Variants in MYO16 observed in about 807,000 individuals in gnomAD.
MYO16 encodes the protein myosin XVI, also known as unconventional myosin-XVI.
MYO16 carries 94 observed loss-of-function variants against 205.3 expected under a neutral mutation model. The ratio of observed to expected loss-of-function variants is 0.46; its 90% CI spans 0.39 to 0.54. MYO16 has a LOEUF of 0.54. MYO16 is among the 20% of genes least tolerant of loss of function. The pLI is 0.00. For missense variants in MYO16, 2,315 were observed against 2,387.5 expected (o/e 0.97, Z 0.63); for synonymous variants, 988 against 954.0 (o/e 1.04, Z -0.66).
chr13:108,531,944 C>A, the MYO16 span, among the ~76,000 whole-genome samples: 1 of 152,082 alleles, frequency 6.6e-6, no homozygotes, highest in Non-Finnish European at 1.5e-5. Flanking sequence ...TGGTGGCTCA[C>A]GCCTGTAATC....
intron 16 of MYO16, among the ~76,000 whole-genome samples, chr13:108,928,423 T>G (rs1052594140): frequency 6.6e-6 from 1 of 152,232 alleles, no homozygotes; most frequent in African/African-American, 2.4e-5. Context: ...GCATAGGATG[T>G]ATAATTACAT....
intron 34 of MYO16, among the ~76,000 whole-genome samples, chr13:109,186,858 G>A (rs995536876): frequency 6.6e-6 from 1 of 152,018 alleles, no homozygotes; most frequent in African/African-American, 2.4e-5. Flanking sequence ...TTACAACTGG[G>A]GGAAACAAAA....
At chr13:108,772,821 G>C (rs749701011) in intron 4 of MYO16, among the ~76,000 whole-genome samples, 2 of 152,050 alleles carry the variant, frequency 1.3e-5, no homozygotes, top group African/African-American at 4.8e-5. Flanking sequence ...TGTGTGTCGG[G>C]GGAGGATAAA....
chr13:109,117,861 A>T (rs185364476), intron 28 of MYO16, among the ~76,000 whole-genome samples: 256 of 152,260 alleles, frequency 1.7e-3, no homozygotes, highest in African/African-American at 5.6e-3. Context: ...TATTTTTTTT[A>T]AATTTAGATC....
At chr13:108,862,413 C>T (rs1173236121) in intron 11 of MYO16, among the ~76,000 whole-genome samples, 2 of 152,068 alleles carry the variant, frequency 1.3e-5, no homozygotes, top group African/African-American at 2.4e-5. Context: ...GGCCCAAACC[C>T]AAGGCTACCA....
In MYO16 at chr13:108,714,219, C is replaced by T. The variant is rs902652286; in HGVS notation, c.363+1488C>T. Among the ~76,000 whole-genome samples, 7 of 152,176 alleles carry T rather than the reference C, an allele frequency of 4.6e-5. No individual in the cohort carries two copies. In the South Asian group the frequency reaches 1.5e-3, roughly 32 times the overall value. On this transcript the variant is annotated intron_variant, in intron 3 of 34. Transcript: ENST00000457511. ...TACAGGCACCCGCCATCACGCCCAG[C>T]GAATTTTTTGTATTTTTAGTAGAGA...
At chr13:108,769,393 T>G (rs1258674061) in intron 4 of MYO16, among the ~76,000 whole-genome samples, 1 of 151,770 alleles carries the variant, frequency 6.6e-6, no homozygotes, top group Non-Finnish European at 1.5e-5. Context: ...CTGGTGGAAG[T>G]GTGAAGTTCA....
intron 4 of MYO16, among the ~76,000 whole-genome samples, chr13:108,755,645 ATATT>A (rs1555344424): frequency 1.3e-5 from 2 of 151,988 alleles, no homozygotes; most frequent in Non-Finnish European, 2.9e-5. Context: ...TAGTGACACT[ATATT>A]TAACTTCAAA....
intron 3 of MYO16, among the ~76,000 whole-genome samples, chr13:108,715,209 T>C (rs751463180): frequency 3.3e-5 from 5 of 152,216 alleles, no homozygotes; most frequent in Non-Finnish European, 5.9e-5. Flanking sequence ...GTGCTCCTGC[T>C]CCGTGTGCTC....
At chr13:109,049,230 GA>G (rs927848870) in intron 24 of MYO16, among the ~76,000 whole-genome samples, 49 of 152,128 alleles carry the variant, frequency 3.2e-4, no homozygotes, top group African/African-American at 1.2e-3. Flanking sequence ...GTGACATGAA[GA>G]AAATGGTTTG....
At chr13:108,637,459 C>T (rs1224584259) in intron 1 of MYO16, among the ~76,000 whole-genome samples, 1 of 152,164 alleles carries the variant, frequency 6.6e-6, no homozygotes, top group South Asian at 2.1e-4. Context: ...TAGATTAAGT[C>T]AATTTTAGTT....
At chr13:109,077,415 A>G (rs1199425297) in intron 27 of MYO16, among the ~76,000 whole-genome samples, 1 of 152,136 alleles carries the variant, frequency 6.6e-6, no homozygotes. Context: ...TCAAACTCAC[A>G]GCCTCCACTG....
chr13:109,086,678 G>C (rs2139680848), intron 27 of MYO16, among the ~76,000 whole-genome samples: 1 of 152,222 alleles, frequency 6.6e-6, no homozygotes, highest in South Asian at 2.1e-4. Context: ...AAGTCATCAA[G>C]ATACAATATG....
chr13:109,121,964 G>A (rs950682763), intron 29 of MYO16, among the ~76,000 whole-genome samples: 1 of 152,228 alleles, frequency 6.6e-6, no homozygotes, highest in Non-Finnish European at 1.5e-5. Context: ...CATCAGTGCA[G>A]GGGAGAGGGC....
chr13:109,177,919 A>G (rs1243204412), intron 33 of MYO16, among the ~76,000 whole-genome samples: 2 of 152,080 alleles, frequency 1.3e-5, no homozygotes, highest in Non-Finnish European at 2.9e-5. Context: ...TGGTTTCTTT[A>G]TGGTTCCTAT....
chr13:108,729,656 T>C (rs932044442), intron 4 of MYO16, among the ~76,000 whole-genome samples: 10 of 152,190 alleles, frequency 6.6e-5, no homozygotes, highest in African/African-American at 2.4e-4. Flanking sequence ...TGAATATTCA[T>C]ATGGTTGTGC....
At chr13:108,505,947 C>T in the MYO16 span, among the ~76,000 whole-genome samples, 1 of 151,662 alleles carries the variant, frequency 6.6e-6, no homozygotes, top group South Asian at 2.1e-4. Context: ...AGTCTTGGCA[C>T]TTTTGTTGAG....
chr13:108,588,989 T>C, the MYO16 span, among the ~76,000 whole-genome samples: 4 of 152,120 alleles, frequency 2.6e-5, no homozygotes, highest in Non-Finnish European at 4.4e-5. Context: ...GGAATCGGTG[T>C]TGAATAAATG....
chr13:108,805,929 T>TA (rs939245132), intron 6 of MYO16, among the ~76,000 whole-genome samples: 6 of 147,436 alleles, frequency 4.1e-5, no homozygotes, highest in African/African-American at 1.5e-4. Context: ...TCTACCAAAA[T>TA]AAATAAATAA....
Sources: gnomAD v4.1 joint callset for allele counts (sites outside exome capture counted in the v4.1 genomes callset) on GRCh38, gnomAD v4.1.1 for gene constraint, MANE v1.5 for transcripts, NCBI Gene and HGNC (gene_info 2026-07-23, HGNC 2026-07-21) for gene names.